OPCML: variants seen among roughly 807,000 people sequenced by gnomAD.
OPCML encodes the protein opioid-binding protein/cell adhesion molecule.
Under a neutral mutation model 37.8 loss-of-function variants are expected in OPCML, and 13 were observed. That is an observed-to-expected ratio of 0.34 (90% confidence interval 0.22 to 0.55). OPCML has a LOEUF of 0.55. OPCML is among the 20% of genes least tolerant of loss of function. The pLI, the probability that OPCML is intolerant of heterozygous loss-of-function variation, is 0.91. For synonymous variants in OPCML, 176 were observed against 168.8 expected, an observed-to-expected ratio of 1.04 and a Z score of -0.33; for missense variants, 341 against 435.6, an observed-to-expected ratio of 0.78 and a Z score of 1.93.
chr11:132,902,124 G>A (rs75798694), intron 2 of OPCML, among the ~76,000 whole-genome samples: 1,911 of 152,268 alleles, frequency 0.013, 53 homozygotes, highest in African/African-American at 0.044. Flanking sequence ...CAGAGGAAAT[G>A]GTCAATAAAT....
At chr11:133,310,007 G>C (rs757607201) in intron 1 of OPCML, among the ~76,000 whole-genome samples, 3 of 152,218 alleles carry the variant, frequency 2.0e-5, no homozygotes, top group Non-Finnish European at 4.4e-5. Context: ...GAGTACGAGA[G>C]AGATGTAAAT....
chr11:133,154,313 C>T (rs771324046), intron 1 of OPCML, among the ~76,000 whole-genome samples: 1 of 152,032 alleles, frequency 6.6e-6, no homozygotes, highest in South Asian at 2.1e-4. Context: ...TCTGATAAAT[C>T]GTGAATGCCT....
At chr11:132,454,463 A>G (rs73585017) in intron 4 of OPCML, among the ~76,000 whole-genome samples, 4,795 of 152,252 alleles carry the variant, frequency 0.031, 235 homozygotes, top group East Asian at 0.19. Context: ...TCTCATCAGG[A>G]GGCACCAGGC....
intron 1 of OPCML, among the ~76,000 whole-genome samples, chr11:132,952,242 C>A (rs939595268): frequency 3.3e-5 from 5 of 152,118 alleles, no homozygotes. Context: ...GGTCATGGAG[C>A]TTTAGTGAAC....
chr11:133,282,888 G>C (rs985986334), intron 1 of OPCML, among the ~76,000 whole-genome samples: 4 of 152,194 alleles, frequency 2.6e-5, no homozygotes, highest in African/African-American at 7.2e-5. Flanking sequence ...TTTGAGACTT[G>C]TGTGTGGCCT....
intron 3 of OPCML, among the ~76,000 whole-genome samples, chr11:132,617,195 A>T (rs572888834): frequency 6.6e-6 from 1 of 152,340 alleles, no homozygotes; most frequent in East Asian, 1.9e-4. Context: ...GCTTTCTTGA[A>T]TGTCAATTGT....
chr11:133,172,538 C>T (rs1238484540), intron 1 of OPCML, among the ~76,000 whole-genome samples: 1 of 152,124 alleles, frequency 6.6e-6, no homozygotes, highest in East Asian at 1.9e-4. Context: ...AGTGAAAGAG[C>T]TCAGTATGGC....
At chr11:132,972,475 CACA>C (rs1946366669) in intron 1 of OPCML, among the ~76,000 whole-genome samples, 1 of 152,164 alleles carries the variant, frequency 6.6e-6, no homozygotes, top group African/African-American at 2.4e-5. Flanking sequence ...GAATATGCTC[CACA>C]ACATGTCAGG....
At chr11:133,366,882 G>A (rs7107448) in intron 1 of OPCML, among the ~76,000 whole-genome samples, 7,355 of 152,222 alleles carry the variant, frequency 0.048, 578 homozygotes, top group African/African-American at 0.17. Context: ...ACCAATAGAA[G>A]GCACAGAGGA....
intron 1 of OPCML, among the ~76,000 whole-genome samples, chr11:133,078,788 T>C (rs1305975666): frequency 5.3e-5 from 8 of 152,152 alleles, no homozygotes; most frequent in Non-Finnish European, 1.0e-4. Context: ...ATTTTAAGAA[T>C]CTTGGCTGTC....
chr11:133,007,769 A>G, intron 1 of OPCML: 1 of 985,442 alleles, frequency 1.0e-6, no homozygotes, highest in Non-Finnish European at 1.2e-6. Context: ...GCAGGCATAG[A>G]CATTTTGAAT....
chr11:132,976,224 G>A (rs1946460325), intron 1 of OPCML, among the ~76,000 whole-genome samples: 1 of 152,148 alleles, frequency 6.6e-6, no homozygotes, highest in Admixed American at 6.5e-5. Flanking sequence ...TCTGTAGTTA[G>A]TTATTTGTTC....
At chr11:132,510,276 C>T (rs770779213) in intron 4 of OPCML, among the ~76,000 whole-genome samples, 1 of 152,104 alleles carries the variant, frequency 6.6e-6, no homozygotes, top group East Asian at 1.9e-4. Flanking sequence ...ATTTTACAGG[C>T]TCATAGGTGG....
rs1053924824 is a variant in OPCML, at chr11:132,920,968, C to A, written c.146+21958G>T. Among the ~76,000 whole-genome samples the A allele has an allele frequency of 2.0e-5, 3 of 152,156 alleles. No individual in the cohort carries two copies. The East Asian group carries it at 5.8e-4, about 29-fold the overall frequency. On this transcript the variant is annotated intron_variant, in intron 2 of 7. Transcript: ENST00000524381. ...CACTCGGCTTGATTTAAGAAGTTTT[C>A]CTTGCCTGACCCCCTCAGCTCCAGT... is the stretch of plus-strand genomic sequence containing the variant.
intron 1 of OPCML, among the ~76,000 whole-genome samples, chr11:133,484,481 A>C (rs1228456753): frequency 6.6e-6 from 1 of 152,168 alleles, no homozygotes; most frequent in African/African-American, 2.4e-5. Context: ...AGTGACAGCC[A>C]AATCCACAGG....
At chr11:133,461,667 C>T (rs1440872337) in intron 1 of OPCML, among the ~76,000 whole-genome samples, 2 of 151,782 alleles carry the variant, frequency 1.3e-5, no homozygotes, top group Admixed American at 1.3e-4. Context: ...GAAAGACAAC[C>T]CATGTTCATG....
rs900960231 is a variant in OPCML, at chr11:133,316,504, C to G, written c.61+215760G>C. ...GGGAGGGAGAGCATTAGGACAAATA[C>G]CTAATGCATGCGGGGCTTAAAACCC... On this transcript the variant is annotated intron_variant, in intron 1 of 7. Coordinates refer to ENST00000524381, the MANE Select transcript of OPCML (RefSeq NM_001012393.5). Among the ~76,000 whole-genome samples the G allele has an allele frequency of 6.6e-5, 10 of 152,076 alleles. No homozygotes were observed. In the East Asian group the frequency reaches 1.7e-3, roughly 26 times the overall value.
chr11:132,573,044 A>C (rs73036876), intron 3 of OPCML, among the ~76,000 whole-genome samples: 8,092 of 151,762 alleles, frequency 0.053, 431 homozygotes, highest in African/African-American at 0.12. Flanking sequence ...TTTCTTTTTA[A>C]GATAGTTTAT....
chr11:133,176,224 C>T (rs1565487281), intron 1 of OPCML, among the ~76,000 whole-genome samples: 1 of 151,962 alleles, frequency 6.6e-6, no homozygotes, highest in Non-Finnish European at 1.5e-5. Context: ...TGTAAGCAAG[C>T]ATTTTTAAGA....
Sources: gnomAD v4.1 joint callset for allele counts (sites outside exome capture counted in the v4.1 genomes callset) on GRCh38, gnomAD v4.1.1 for gene constraint, MANE v1.5 for transcripts, NCBI Gene and HGNC (gene_info 2026-07-23, HGNC 2026-07-21) for gene names.